ASXL3: variants seen among roughly 807,000 people sequenced by gnomAD.
ASXL3 encodes ASXL transcriptional regulator 3, also known as putative Polycomb group protein ASXL3.
In ASXL3, 34 loss-of-function variants were observed where a neutral mutation model predicts 170.6. That is an observed-to-expected ratio of 0.20 (90% CI 0.15 to 0.27). The LOEUF (loss-of-function observed/expected upper bound fraction) is 0.27. ASXL3 is among the 10% of genes least tolerant of loss of function. The pLI is 1.00. For missense variants in ASXL3, 2,592 were observed against 2,695.3 expected (o/e 0.96, Z 0.85); for synonymous variants, 1,002 against 989.1 (o/e 1.01, Z -0.24).
intron 2 of ASXL3, among the ~76,000 whole-genome samples, chr18:33,633,404 A>G (rs1474733771): frequency 6.6e-6 from 1 of 152,196 alleles, no homozygotes; most frequent in Non-Finnish European, 1.5e-5. Flanking sequence ...ACTCTTAAGA[A>G]CATTACGTGG....
chr18:33,590,111 G>GTTTTTTTTTTTGTTTTTT (rs2065064686), intron 1 of ASXL3, among the ~76,000 whole-genome samples: 187 of 83,082 alleles, frequency 2.3e-3, no homozygotes, highest in Non-Finnish European at 3.4e-3. Flanking sequence ...TGCTTTCTAT[G>GTTTTTTTTTTTGTTTTTT]TTTTTTTTTT....
At chr18:33,692,129 G>A (rs947133540) in intron 8 of ASXL3, among the ~76,000 whole-genome samples, 14 of 152,152 alleles carry the variant, frequency 9.2e-5, no homozygotes, top group African/African-American at 2.2e-4. Flanking sequence ...CATTTTGTCT[G>A]TCAACACATA....
chr18:33,611,312 G>C lies in ASXL3; in HGVS notation c.137+3636G>C, dbSNP rs560517132. ...AATTGTCAGAAGGACATGTGGTTTT[G>C]TTGAAAAAAAATAATAGAATGATTT... On this transcript the variant is annotated intron_variant, in intron 2 of 11. Transcript: ENST00000269197. Among the ~76,000 whole-genome samples, 3 of 151,926 alleles carry C rather than the reference G, an allele frequency of 2.0e-5. No homozygotes were observed. The East Asian group carries it at 5.8e-4, about 29-fold the overall frequency.
At position 33,744,326 on chromosome 18, in the gene ASXL3, G is replaced by A; in HGVS notation, c.4478G>A (p.Ser1493Asn). 2 of 1,614,030 alleles carry A rather than the reference G, an allele frequency of 1.2e-6. No homozygotes were observed. The highest frequency in any genetic ancestry group is 1.7e-6 in the Non-Finnish European group (2 of 1,179,894). The change falls in exon 12 of 12, where the codon AGC becomes AAC. Residue 1493 changes from serine (S) to asparagine (N), a missense_variant. By Grantham distance (46) the Ser-to-Asn change is conservative. This residue lies in a region of ASXL3 where 2,246 missense variants were observed against 2,219.6 expected (regional missense o/e 1.01). Transcript: ENST00000269197. ...TTGTCTCTGACTGTCTCCGTTGAAAGCTCAGAAGCCAGCTTGGACCTGCAG... is the reference window on the plus strand; with the variant it reads ...TTGTCTCTGACTGTCTCCGTTGAAAACTCAGAAGCCAGCTTGGACCTGCAG... Reference protein sequence around the residue: ...SSLSLTVSVESSEASLDLQGR... With the variant: ...SSLSLTVSVENSEASLDLQGR...
intron 8 of ASXL3, among the ~76,000 whole-genome samples, chr18:33,708,111 GGTAATACAA>G (rs2066993443): frequency 6.6e-6 from 1 of 152,042 alleles, no homozygotes; most frequent in Non-Finnish European, 1.5e-5. Context: ...GATGGTTTTT[GGTAATACAA>G]GTAATGATGC....
chr18:33,652,603 C>CAAAAAAAAAAAAAAAAAAAAAAAAAA (rs554834298), intron 4 of ASXL3, among the ~76,000 whole-genome samples: 1 of 112,324 alleles, frequency 8.9e-6, no homozygotes, highest in African/African-American at 3.5e-5. Flanking sequence ...TCTGTTGGGG[C>CAAAAAAAAAAAAAAAAAAAAAAAAAA]AAAAAAAAAA....
chr18:33,632,452 A>G (rs955526848), intron 2 of ASXL3, among the ~76,000 whole-genome samples: 18 of 152,152 alleles, frequency 1.2e-4, no homozygotes, highest in Admixed American at 1.2e-3. Flanking sequence ...ATGCATGTAC[A>G]TATCTGAATT....
chr18:33,649,061 CAG>C (rs1044251264), intron 4 of ASXL3, among the ~76,000 whole-genome samples: 7 of 151,758 alleles, frequency 4.6e-5, no homozygotes, highest in African/African-American at 1.7e-4. Flanking sequence ...ATTTTGAGGT[CAG>C]GGGAAGGAGT....
intron 2 of ASXL3, among the ~76,000 whole-genome samples, chr18:33,622,707 T>C (rs1279272857): frequency 6.6e-6 from 1 of 152,130 alleles, no homozygotes; most frequent in Non-Finnish European, 1.5e-5. Context: ...CTCAGATAGC[T>C]TGCAGCTGGA....
At chr18:33,707,310 G>T (rs2066976706) in intron 8 of ASXL3, among the ~76,000 whole-genome samples, 1 of 151,914 alleles carries the variant, frequency 6.6e-6, no homozygotes, top group Non-Finnish European at 1.5e-5. Context: ...ACTTAGGGAA[G>T]AATTGAAACT....
In ASXL3 at chr18:33,745,038, C is replaced by T. The variant is rs1195157012; in HGVS notation, c.5190C>T (p.Val1730=). 3 of 1,614,014 alleles carry T rather than the reference C, an allele frequency of 1.9e-6. No individual in the cohort carries two copies. The highest frequency in any genetic ancestry group is 2.5e-6 in the Non-Finnish European group (3 of 1,179,898). ...ISLATDALKR[V]PGAGSSGCRL... ...TGGCTACCGATGCCCTGAAGAGAGT[C>T]CCTGGTGCAGGGAGCTCAGGCTGTC... Residue 1730 remains valine (V), a synonymous_variant, in exon 12 of 12, where the codon GTC becomes GTT. Coordinates refer to ENST00000269197, the MANE Select transcript of ASXL3 (RefSeq NM_030632.3).
rs5823914 is a variant in ASXL3, at chr18:33,661,897, T to TAA, written c.477+168_477+169dup. 0.45 allele frequency among the ~76,000 whole-genome samples: 68,346 copies of TAA among 150,944 alleles called. 16,180 individuals are homozygous for TAA. Among genetic ancestry groups the TAA allele is most frequent in the East Asian group, 0.79 (4,038 of 5,124 alleles). On this transcript the variant is annotated intron_variant, in intron 5 of 11. Transcript: ENST00000269197. ...TCAGTTCAATAATTTTAATCTGTGA[T>TAA]AAAAAAAAACTAGGAGAGGCTTGAC...
At chr18:33,683,068 C>T (rs1257145189) in intron 7 of ASXL3, among the ~76,000 whole-genome samples, 1 of 152,092 alleles carries the variant, frequency 6.6e-6, no homozygotes, top group Non-Finnish European at 1.5e-5. Flanking sequence ...GTAGTTGTTA[C>T]TATTCAGGCA....
intron 7 of ASXL3, among the ~76,000 whole-genome samples, chr18:33,680,742 T>G (rs1452712496): frequency 6.6e-6 from 1 of 152,032 alleles, no homozygotes; most frequent in East Asian, 1.9e-4. Context: ...CCTTTGTTTA[T>G]CTGGTCTGAT....
chr18:33,618,176 T>G (rs2065457197), intron 2 of ASXL3, among the ~76,000 whole-genome samples: 1 of 152,190 alleles, frequency 6.6e-6, no homozygotes, highest in Non-Finnish European at 1.5e-5. Context: ...AAAATAAGTC[T>G]TAGTTCTTTT....
At chr18:33,683,642 G>A in intron 8 of ASXL3, 74 bp downstream of exon 8, 1 of 1,394,986 alleles carries the variant, frequency 7.2e-7, no homozygotes, top group Non-Finnish European at 9.7e-7. Flanking sequence ...TATTATCAAA[G>A]ATGACTTATA....
intron 8 of ASXL3, among the ~76,000 whole-genome samples, chr18:33,724,989 T>C (rs907244330): frequency 1.3e-5 from 2 of 152,104 alleles, no homozygotes; most frequent in Non-Finnish European, 2.9e-5. Flanking sequence ...ATCTTGAGCA[T>C]GTCTATAGAG....
intron 7 of ASXL3, among the ~76,000 whole-genome samples, chr18:33,678,451 A>G (rs1031969420): frequency 3.9e-5 from 6 of 152,200 alleles, no homozygotes; most frequent in Non-Finnish European, 8.8e-5. Flanking sequence ...CAGACTACCC[A>G]GTGATCAATA....
In ASXL3 at chr18:33,744,684, T is replaced by C; in HGVS notation, c.4836T>C (p.Asp1612=). The change falls in exon 12 of 12, where the codon GAT becomes GAC. Residue 1612 remains aspartate (D), a synonymous_variant. Transcript: ENST00000269197. Reference sequence around the variant, plus strand: ...GTAACCGGATTTGCTGGAATGATGATGGGATGAGGAGCACAGGACAGCCTC... The same window carrying C: ...GTAACCGGATTTGCTGGAATGATGACGGGATGAGGAGCACAGGACAGCCTC... ...NPSNRICWND[D]GMRSTGQPLV... 1 of 1,610,624 alleles carries C rather than the reference T, an allele frequency of 6.2e-7. No individual in the cohort carries two copies. The highest frequency in any genetic ancestry group is 8.5e-7 in the Non-Finnish European group (1 of 1,178,158).
Sources: gnomAD v4.1 joint callset for allele counts (sites outside exome capture counted in the v4.1 genomes callset) on GRCh38, gnomAD v4.1.1 for gene constraint, gnomAD v4.1.1 regional missense constraint, MANE v1.5 for transcripts, NCBI Gene and HGNC (gene_info 2026-07-23, HGNC 2026-07-21) for gene names.